The following ART4 variants were observed in gnomAD, a reference collection of about 807,000 sequenced individuals.
ART4 encodes ecto-ADP-ribosyltransferase 4.
ART4 carries 14 observed loss-of-function variants against 24.2 expected under a neutral mutation model. The ratio of observed to expected loss-of-function variants is 0.58; its 90% CI spans 0.38 to 0.90. The LOEUF (loss-of-function observed/expected upper bound fraction) is 0.90, where lower values mean the gene tolerates loss of function less well. Among genes scored for constraint, ART4 ranks in the 40% least tolerant of loss-of-function variants. The probability of loss-of-function intolerance (pLI) is 0.00; values close to 1 mark genes in which losing one functional copy is unlikely to be tolerated. For missense variants in ART4, 356 were observed against 366.6 expected (o/e 0.97, Z 0.24); for synonymous variants, 145 against 139.9 (o/e 1.04, Z -0.26).
intron 2 of ART4, among the ~76,000 whole-genome samples, chr12:14,830,573 G>A (rs1592247770): frequency 1.6e-5 from 2 of 125,584 alleles, no homozygotes; most frequent in South Asian, 5.3e-4. Flanking sequence ...GTGTGTGTGT[G>A]TGTGTATACA....
intron 2 of ART4, among the ~76,000 whole-genome samples, chr12:14,837,079 G>A (rs566871941): frequency 4.6e-5 from 7 of 152,110 alleles, no homozygotes; most frequent in Non-Finnish European, 8.8e-5. Flanking sequence ...GACTCACAGT[G>A]TAGACTGTGG....
At chr12:14,829,717 A>G (rs900877245) in intron 2 of ART4, among the ~76,000 whole-genome samples, 3 of 152,212 alleles carry the variant, frequency 2.0e-5, no homozygotes, top group Admixed American at 1.3e-4. Context: ...CTAATTTTCC[A>G]TCTTTATCAT....
At chr12:14,836,685 C>A (rs972608249) in intron 2 of ART4, among the ~76,000 whole-genome samples, 6 of 152,162 alleles carry the variant, frequency 3.9e-5, no homozygotes, top group Non-Finnish European at 7.3e-5. Flanking sequence ...GATGGACCAG[C>A]CTTCTCTGCA....
chr12:14,830,019 G>A (rs547555679), intron 2 of ART4, among the ~76,000 whole-genome samples: 1 of 151,932 alleles, frequency 6.6e-6, no homozygotes, highest in Non-Finnish European at 1.5e-5. Context: ...TCTCAATTCT[G>A]CATTCTTAAC....
intron 1 of ART4, among the ~76,000 whole-genome samples, 179 bp downstream of exon 1, chr12:14,842,791 G>A (rs766450206): frequency 6.6e-6 from 1 of 152,182 alleles, no homozygotes; most frequent in Admixed American, 6.5e-5. Context: ...TAACAGTGAA[G>A]GATTCTACAA....
At chr12:14,841,969 C>G (rs145565715) in intron 1 of ART4, among the ~76,000 whole-genome samples, 1 of 152,274 alleles carries the variant, frequency 6.6e-6, no homozygotes, top group African/African-American at 2.4e-5. Flanking sequence ...ACATTTGTCC[C>G]CCTCAGGGAC....
chr12:14,842,910 G>A (rs763560432), intron 1 of ART4, 60 bp downstream of exon 1: 1 of 1,537,598 alleles, frequency 6.5e-7, no homozygotes, highest in South Asian at 1.2e-5. Flanking sequence ...GCTGTGGCCG[G>A]GTGAATGCTC....
intron 1 of ART4, among the ~76,000 whole-genome samples, chr12:14,842,160 C>T (rs1863060926): frequency 6.6e-6 from 1 of 152,192 alleles, no homozygotes; most frequent in African/African-American, 2.4e-5. Context: ...ATCAGACTAT[C>T]ATTTAGAGCC....
rs985654265 is a variant in ART4, at chr12:14,828,616, C to T, written c.*755G>A. ...TTTGATTTGTTCCTATTTAGAATAA[C>T]TAAATTAAAAAAAATAAGGAAGAGT... On this transcript the variant is annotated 3_prime_UTR_variant, in exon 3 of 3. Transcript: ENST00000228936. 4 of 111,618 alleles carry T rather than the reference C, an allele frequency of 3.6e-5. No individual in the cohort carries two copies. The highest frequency in any genetic ancestry group is 1.5e-4 in the African/African-American group (4 of 25,910). 6.9% of individuals were successfully genotyped at this position (111,618 alleles called of 1,614,324 possible). A position where few individuals can be genotyped will look rare whatever the true frequency, so the allele number is the denominator to read the frequency against.
intron 2 of ART4, among the ~76,000 whole-genome samples, chr12:14,835,746 C>G (rs1272100980): frequency 6.6e-6 from 1 of 151,978 alleles, no homozygotes; most frequent in East Asian, 1.9e-4. Flanking sequence ...GCTGGGATTA[C>G]AGGCTCGTGC....
At chr12:14,835,059 T>A (rs1463183696) in intron 2 of ART4, among the ~76,000 whole-genome samples, 1 of 152,162 alleles carries the variant, frequency 6.6e-6, no homozygotes, top group Non-Finnish European at 1.5e-5. Flanking sequence ...ATTTTAAAGG[T>A]CTTCAAGTGG....
At position 14,841,127 on chromosome 12, in the gene ART4, G is replaced by A. The variant is rs201915266; in HGVS notation, c.171C>T (p.Phe57=). Reference sequence around the variant, plus strand: ...ACTGATCATCAAAAGAACCTGGTGCGAAGTCGAAGTCGATTTTAATTGCAA... The same window carrying A: ...ACTGATCATCAAAAGAACCTGGTGCAAAGTCGAAGTCGATTTTAATTGCAA... ...SEVAIKIDFD[F]APGSFDDQYQ... Residue 57 remains phenylalanine (F), a synonymous_variant, in exon 2 of 3, where the codon TTC becomes TTT. Coordinates refer to ENST00000228936, the MANE Select transcript of ART4 (RefSeq NM_021071.4). 12 of 1,571,230 alleles carry A rather than the reference G, an allele frequency of 7.6e-6. No homozygotes were observed. In the Admixed American group the frequency reaches 8.3e-5, roughly 11 times the overall value.
At chr12:14,833,224 G>T (rs1057101255) in intron 2 of ART4, among the ~76,000 whole-genome samples, 4 of 152,250 alleles carry the variant, frequency 2.6e-5, no homozygotes, top group Middle Eastern at 3.4e-3. Flanking sequence ...CCTATGAAAA[G>T]GGTAACTGTT....
chr12:14,833,792 G>A (rs149368099), intron 2 of ART4, among the ~76,000 whole-genome samples: 7 of 152,296 alleles, frequency 4.6e-5, no homozygotes, highest in African/African-American at 1.7e-4. Context: ...ACCAAGTCTA[G>A]TGTTTGAGGC....
rs748819234 is a variant in ART4 at position 14,840,488 on chromosome 12, C to G, written c.810G>C (p.Arg270Ser). 2 of 1,613,698 alleles carry G rather than the reference C, an allele frequency of 1.2e-6. No homozygotes were observed. Among genetic ancestry groups the G allele is most frequent in the Admixed American group, 1.7e-5 (1 of 59,956 alleles). Residue 270 changes from arginine to serine, a missense_variant, in exon 2 of 3, where the codon AGG (arginine) becomes AGC (serine). Coordinates refer to ENST00000228936, the MANE Select transcript of ART4 (RefSeq NM_021071.4). ...TATATGTGCTCAGGTTCCCAGTTGA[C>G]CTCAACTGCAACCAGTCTCCTCTTG... ...YHPRGDWLQL[R>S]STGNLSTYNC...
chr12:14,839,871 G>A (rs1950454697), intron 2 of ART4, among the ~76,000 whole-genome samples: 1 of 152,170 alleles, frequency 6.6e-6, no homozygotes, highest in Non-Finnish European at 1.5e-5. Flanking sequence ...AGAATGAGTA[G>A]CTCCCTGCAC....
intron 2 of ART4, among the ~76,000 whole-genome samples, chr12:14,830,707 T>G (rs1950391672): frequency 9.2e-6 from 1 of 108,994 alleles, no homozygotes; most frequent in African/African-American, 3.4e-5. Flanking sequence ...ATACAGTAAT[T>G]TCTGTCTTAT....
At chr12:14,835,350 G>T (rs553372645) in intron 2 of ART4, among the ~76,000 whole-genome samples, 1 of 152,002 alleles carries the variant, frequency 6.6e-6, no homozygotes, top group Non-Finnish European at 1.5e-5. Context: ...TCTGGGGAGA[G>T]TCCACTGATC....
chr12:14,841,226 T>C, intron 1 of ART4, 73 bp from the exon 2 acceptor site: 1 of 1,381,612 alleles, frequency 7.2e-7, no homozygotes, highest in Non-Finnish European at 9.9e-7. Context: ...TTTGCTGTAC[T>C]CTATAAGGGT....
Sources: gnomAD v4.1 joint callset for allele counts (sites outside exome capture counted in the v4.1 genomes callset) on GRCh38, gnomAD v4.1.1 for gene constraint, MANE v1.5 for transcripts, NCBI Gene and HGNC (gene_info 2026-07-23, HGNC 2026-07-21) for gene names.